LPA: variants seen among roughly 807,000 people sequenced by gnomAD.
LPA encodes apolipoprotein(a).
Under a neutral mutation model 197.9 loss-of-function variants are expected in LPA, and 199 were observed. That is an observed-to-expected ratio of 1.01 (90% CI 0.90 to 1.13). LPA has a LOEUF of 1.13. Ranked by LOEUF, LPA falls within the 50% of genes most tolerant of loss-of-function variation. The pLI is 0.00. For missense variants in LPA, 1,853 were observed against 1,785.8 expected, an observed-to-expected ratio of 1.04 and a Z score of -0.68; for synonymous variants, 715 against 639.5, an observed-to-expected ratio of 1.12 and a Z score of -1.78.
chr6:160,651,725 C>T (rs1780008790), intron 1 of LPA, among the ~76,000 whole-genome samples: 1 of 152,072 alleles, frequency 6.6e-6, no homozygotes, highest in African/African-American at 2.4e-5. Context: ...AAGACACCAT[C>T]TGGAAACTAT....
intron 26 of LPA, among the ~76,000 whole-genome samples, chr6:160,582,502 T>G (rs1037757434): frequency 6.6e-6 from 1 of 152,118 alleles, no homozygotes; most frequent in African/African-American, 2.4e-5. Context: ...CTAAAGGTGT[T>G]ATTCTATTGT....
At chr6:160,609,310 C>T (rs915594154) in intron 16 of LPA, among the ~76,000 whole-genome samples, 1 of 151,996 alleles carries the variant, frequency 6.6e-6, no homozygotes, top group African/African-American at 2.4e-5. Context: ...TCAGCATTCT[C>T]GGTTGATCTC....
At chr6:160,611,496 C>T (rs1321730642) in intron 16 of LPA, 66 bp downstream of exon 16, 6 of 1,593,844 alleles carry the variant, frequency 3.8e-6, no homozygotes, top group South Asian at 1.1e-5. Flanking sequence ...CAGCTTGAAG[C>T]ATGTCTCTTG....
chr6:160,596,395 T>A (rs569134153), intron 20 of LPA, among the ~76,000 whole-genome samples: 5 of 139,992 alleles, frequency 3.6e-5, no homozygotes, highest in African/African-American at 1.5e-4. Context: ...CTTATTTGCT[T>A]TTTTTTTTTT....
At position 160,589,609 on chromosome 6, in the gene LPA, A is replaced by C. The variant is rs778932663; in HGVS notation, c.3891T>G (p.Ser1297=). 13 of 1,613,866 alleles carry C rather than the reference A, an allele frequency of 8.1e-6. No individual in the cohort carries two copies. In the South Asian group the frequency reaches 1.4e-4, roughly 18 times the overall value. The change falls in exon 24 of 39, where the codon TCT becomes TCG. Residue 1297 remains serine, a synonymous_variant. Coordinates refer to ENST00000316300, the MANE Select transcript of LPA (RefSeq NM_005577.4). ...STTVTGRTCQ[S]WSSMTPHWHQ... ...GCCAGTGTGGTGTCATAGAGGACCAAGACTGACATGTCCTTCCTGTAACAG... is the reference window on the plus strand; with the variant it reads ...GCCAGTGTGGTGTCATAGAGGACCACGACTGACATGTCCTTCCTGTAACAG...
intron 16 of LPA, among the ~76,000 whole-genome samples, chr6:160,607,620 T>A (rs1479113984): frequency 5.2e-4 from 79 of 152,220 alleles, no homozygotes; most frequent in African/African-American, 1.9e-3. Flanking sequence ...CCAACCTCTC[T>A]CTATCCTCAC....
chr6:160,534,643 C>G (rs1486886126), intron 37 of LPA, among the ~76,000 whole-genome samples: 1 of 152,210 alleles, frequency 6.6e-6, no homozygotes, highest in Non-Finnish European at 1.5e-5. Context: ...ACCCATTGAT[C>G]TGATGTCATT....
At chr6:160,663,122 G>C (rs191021947) in intron 1 of LPA, among the ~76,000 whole-genome samples, 1 of 152,322 alleles carries the variant, frequency 6.6e-6, no homozygotes, top group Non-Finnish European at 1.5e-5. Context: ...CTAAAGTGAA[G>C]TAGTACGGCA....
chr6:160,547,857 C>A lies in LPA; in HGVS notation c.5236G>T (p.Ala1746Ser), dbSNP rs144281871. 2.8e-4 allele frequency: 457 copies of A among 1,614,112 alleles called. No homozygotes were observed. The African/African-American group carries it at 5.5e-3, about 19-fold the overall frequency. The part of the protein sequence containing the change: ...VTGTPCQEWA[A>S]QEPHRHSTFI... ...GTGCTGTGTCTATGGGGCTCCTGGG[C>A]AGCCCATTCCTGGCATGGCGTCCCA... Residue 1746 changes from alanine to serine, a missense_variant, in exon 32 of 39, where the codon GCC (alanine) becomes TCC (serine). Ala to Ser is a moderately conservative substitution (Grantham distance 99, BLOSUM62 1). Coordinates refer to ENST00000316300, the MANE Select transcript of LPA (RefSeq NM_005577.4).
Position 160,594,095 on chromosome 6 carries a change from C to A in LPA, c.3492G>T (p.Gly1164=). 1 of 1,613,838 alleles carries A rather than the reference C, an allele frequency of 6.2e-7. No homozygotes were observed. The highest frequency in any genetic ancestry group is 1.1e-5 in the South Asian group (1 of 91,076). The change falls in exon 22 of 39, where the codon GGG becomes GGT. Residue 1164 remains glycine, a synonymous_variant. Coordinates refer to ENST00000316300, the MANE Select transcript of LPA (RefSeq NM_005577.4). ...SEEAPTEQSP[G]VQDCYHGDGQ... ...CATCACCATGGTAGCAATCCTGGAC[C>A]CCGGGGCTTTGCTCCGTTGGTGCTG...
intron 1 of LPA, among the ~76,000 whole-genome samples, chr6:160,655,950 T>C (rs1780124870): frequency 6.6e-6 from 1 of 152,142 alleles, no homozygotes; most frequent in Admixed American, 6.5e-5. Context: ...TGAAGGCAAA[T>C]TGCTTCTGGT....
Position 160,633,744 on chromosome 6 carries a change from A to G in LPA, c.1235+9T>C, listed in dbSNP as rs1779733094. ...CTTTCTTCTCTTATGGTAAAGAACA[A>G]AGACATACGCATTTGGGTAGTATTC... On this transcript the variant is annotated intron_variant, in intron 8 of 38. Coordinates refer to ENST00000316300, the MANE Select transcript of LPA (RefSeq NM_005577.4). 2 of 1,254,124 alleles carry G rather than the reference A, an allele frequency of 1.6e-6. 1 individual carries two copies. Among genetic ancestry groups the G allele is most frequent in the Non-Finnish European group, 2.2e-6 (2 of 925,644 alleles). The allele number at this position is 1,254,124 out of a possible 1,614,324, so 77.7% of individuals were successfully genotyped here.
At chr6:160,560,619 C>G (rs1307178209) in intron 28 of LPA, among the ~76,000 whole-genome samples, 1 of 151,900 alleles carries the variant, frequency 6.6e-6, no homozygotes, top group Non-Finnish European at 1.5e-5. Flanking sequence ...ATCCTTTGCC[C>G]ACTTTTTGAT....
chr6:160,598,289 T>G (rs1377324674), intron 20 of LPA, among the ~76,000 whole-genome samples: 1 of 152,218 alleles, frequency 6.6e-6, no homozygotes, highest in Non-Finnish European at 1.5e-5. Flanking sequence ...AGGAGACTTC[T>G]ATGCCTGGAG....
At chr6:160,554,578 A>T (rs905667629) in intron 30 of LPA, among the ~76,000 whole-genome samples, 1 of 152,070 alleles carries the variant, frequency 6.6e-6, no homozygotes, top group Non-Finnish European at 1.5e-5. Flanking sequence ...GAGATGTTCA[A>T]TGAGGTGTCT....
chr6:160,569,160 G>A (rs1036534139), intron 28 of LPA, among the ~76,000 whole-genome samples: 6 of 152,184 alleles, frequency 3.9e-5, no homozygotes, highest in South Asian at 4.1e-4. Context: ...ACAAAAAAGA[G>A]CATGCATTGC....
chr6:160,553,925 C>G (rs1446052202), intron 30 of LPA, among the ~76,000 whole-genome samples: 2,552 of 80,906 alleles, frequency 0.032, 73 homozygotes, highest in African/African-American at 0.11. Flanking sequence ...CTCTTTCTCT[C>G]TCTCTCTCTC....
intron 26 of LPA, 76 bp downstream of exon 26, chr6:160,584,970 G>T: frequency 6.7e-7 from 1 of 1,486,458 alleles, no homozygotes; most frequent in Non-Finnish European, 9.4e-7. Context: ...CCTAGGAAGT[G>T]AGCTTGTAGC....
chr6:160,611,481 G>A (rs1383467567), intron 16 of LPA, 81 bp downstream of exon 16: 1 of 1,579,640 alleles, frequency 6.3e-7, no homozygotes, highest in Non-Finnish European at 8.6e-7. Flanking sequence ...TGAGTTCGGA[G>A]AACTCAGCTT....
Sources: allele counts gnomAD v4.1 joint callset (sites outside exome capture counted in the v4.1 genomes callset), GRCh38; gene constraint gnomAD v4.1.1; transcripts MANE v1.5; gene names NCBI Gene and HGNC (gene_info 2026-07-23, HGNC 2026-07-21).